The following GRIN3A variants were observed in gnomAD, a reference collection of about 807,000 sequenced individuals.
GRIN3A encodes the protein glutamate ionotropic receptor NMDA type subunit 3A.
A neutral mutation model predicts 92.4 loss-of-function variants in GRIN3A; 47 were observed. The observed-to-expected ratio is 0.51, with a 90% CI of 0.40 to 0.65. The LOEUF (loss-of-function observed/expected upper bound fraction) is 0.65. GRIN3A is among the 30% of genes least tolerant of loss of function. The probability of loss-of-function intolerance (pLI) is 0.00; values close to 1 mark genes in which losing one functional copy is unlikely to be tolerated. For missense variants in GRIN3A, 1,324 were observed against 1,393.1 expected (o/e 0.95, Z 0.79); for synonymous variants, 527 against 540.6 (o/e 0.97, Z 0.35).
chr9:101,573,635 A>T (rs1181118795), intron 8 of GRIN3A, 122 bp from the exon 9 acceptor site: 5 of 801,616 alleles, frequency 6.2e-6, no homozygotes, highest in Non-Finnish European at 2.1e-6. Flanking sequence ...AGATGAAGTA[A>T]CAAAGCCATG....
chr9:101,609,341 CT>C (rs1828327860), intron 6 of GRIN3A, among the ~76,000 whole-genome samples: 1 of 152,166 alleles, frequency 6.6e-6, no homozygotes, highest in South Asian at 2.1e-4. Context: ...AGAATTAGTA[CT>C]TCTATTATTT....
chr9:101,589,388 A>C (rs958636896), intron 6 of GRIN3A, among the ~76,000 whole-genome samples: 20 of 152,334 alleles, frequency 1.3e-4, no homozygotes, highest in African/African-American at 4.8e-4. Flanking sequence ...AATGACCCAT[A>C]AAAAGGGTGA....
rs762264033 is a variant in GRIN3A at position 101,670,211 on chromosome 9, A to T, written c.2201T>A (p.Ile734Asn). The T allele has an allele frequency of 6.2e-7, 1 of 1,614,046 alleles. No homozygotes were observed. ...TCCAGTCCAACATTTTGGAGGTTTG[A>T]TGGCCACTGTTCTGCCAAACAAGAG... ...YALLFGRTVA[I>N]KPPKCWTGRF... Residue 734 changes from isoleucine to asparagine, a missense_variant, in exon 3 of 9, where the codon ATC becomes AAC. By Grantham distance (149) the Ile-to-Asn change is moderately radical (BLOSUM62 -3). Transcript: ENST00000361820.
At chr9:101,609,059 C>T (rs1385818681) in intron 6 of GRIN3A, among the ~76,000 whole-genome samples, 1 of 152,130 alleles carries the variant, frequency 6.6e-6, no homozygotes, top group Non-Finnish European at 1.5e-5. Flanking sequence ...CTAAGGGAAC[C>T]CTGCTTTTGT....
At position 101,607,640 on chromosome 9, in the gene GRIN3A, G is replaced by A. The variant is rs550989554; in HGVS notation, c.2766+5736C>T. 1.4e-4 allele frequency among the ~76,000 whole-genome samples: 21 copies of A among 152,294 alleles called. No individual in the cohort carries two copies. The South Asian group carries it at 4.1e-3, about 30-fold the overall frequency. On this transcript the variant is annotated intron_variant, in intron 6 of 8. Coordinates refer to ENST00000361820, the MANE Select transcript of GRIN3A (RefSeq NM_133445.3). ...CCACTGATGAGATGAAGAAGCTAAA[G>A]CTGAGCTGGATTAAGGCACTCGCCA...
Position 101,579,243 on chromosome 9 carries a change from G to A in GRIN3A, c.2884C>T (p.Arg962Ter), listed in dbSNP as rs1827861306. The A allele has an allele frequency of 1.9e-6, 3 of 1,613,988 alleles. No individual in the cohort carries two copies. Among genetic ancestry groups the A allele is most frequent in the Non-Finnish European group, 8.5e-7 (1 of 1,179,912 alleles). ...EHIVYRLLLPRIKNKSKLQYW... is the reference protein window; with the variant it reads ...EHIVYRLLLP ...TGCAGCTTGGATTTGTTTTTGATTC[G>A]TGGTAGCAGCAGCCTGTATACTATG... The change falls in exon 7 of 9, where the codon CGA becomes TGA. Residue 962 changes from arginine to a stop codon, truncating the protein, a stop_gained. Transcript: ENST00000361820. LOFTEE classifies it high-confidence loss of function.
chr9:101,658,752 G>T (rs544784101), intron 3 of GRIN3A, among the ~76,000 whole-genome samples: 10 of 139,228 alleles, frequency 7.2e-5, no homozygotes, highest in Non-Finnish European at 1.1e-4. Context: ...CTATCTATCT[G>T]TCTATCTGTC....
chr9:101,576,240 G>A (rs1353313236), intron 8 of GRIN3A, among the ~76,000 whole-genome samples: 1 of 152,166 alleles, frequency 6.6e-6, no homozygotes, highest in African/African-American at 2.4e-5. Flanking sequence ...GAGCAATTAT[G>A]TAACACTGAG....
rs563118336 is a variant in GRIN3A at position 101,679,887 on chromosome 9, A to G, written c.1304+6709T>C. Among the ~76,000 whole-genome samples, 7 of 152,360 alleles carry G rather than the reference A, an allele frequency of 4.6e-5. No individual in the cohort carries two copies. In the East Asian group the frequency reaches 1.3e-3, roughly 29 times the overall value. On this transcript the variant is annotated intron_variant, in intron 2 of 8. Transcript: ENST00000361820. Reference sequence around the variant, plus strand: ...TGTGTTGGTAGAGGTCCTTAGGACAAGAATGCTTATAAAATTTAAGAACAA... The same window carrying G: ...TGTGTTGGTAGAGGTCCTTAGGACAGGAATGCTTATAAAATTTAAGAACAA...
At chr9:101,649,979 C>T (rs575109088) in intron 3 of GRIN3A, among the ~76,000 whole-genome samples, 3 of 152,162 alleles carry the variant, frequency 2.0e-5, no homozygotes, top group Admixed American at 1.3e-4. Context: ...GCACTGTTTA[C>T]AGAAATGGAA....
intron 1 of GRIN3A, among the ~76,000 whole-genome samples, chr9:101,710,962 GATT>G (rs1324521127): frequency 2.6e-5 from 4 of 152,092 alleles, no homozygotes; most frequent in Non-Finnish European, 5.9e-5. Flanking sequence ...TAATTGAAGA[GATT>G]AATAACAATA....
intron 6 of GRIN3A, among the ~76,000 whole-genome samples, chr9:101,587,741 G>A (rs988590444): frequency 6.6e-6 from 1 of 152,104 alleles, no homozygotes; most frequent in South Asian, 2.1e-4. Flanking sequence ...CGATGTTCAA[G>A]AATTTTTTTC....
chr9:101,624,374 C>G (rs1326994284), intron 4 of GRIN3A, among the ~76,000 whole-genome samples: 1 of 115,496 alleles, frequency 8.7e-6, no homozygotes, highest in South Asian at 3.6e-4. Context: ...TCCTTCCCCC[C>G]TCCCCCCACC....
Position 101,687,093 on chromosome 9 carries a change from C to A in GRIN3A, c.807G>T (p.Leu269=). 1 of 1,614,094 alleles carries A rather than the reference C, an allele frequency of 6.2e-7. No homozygotes were observed. The highest frequency in any genetic ancestry group is 8.5e-7 in the Non-Finnish European group (1 of 1,180,010). The change falls in exon 2 of 9, where the codon CTG becomes CTT. Residue 269 remains leucine, a synonymous_variant. Coordinates refer to ENST00000361820, the MANE Select transcript of GRIN3A (RefSeq NM_133445.3). The part of the protein sequence containing the change: ...MNNWYNFSLL[L]CQEDWNITDF... The stretch of plus-strand genomic sequence containing the variant: ...CGGTGATGTTCCAGTCTTCCTGGCA[C>A]AGCAACAAGCTAAAATTGTACCAGT...
At chr9:101,643,157 T>G (rs933513212) in intron 3 of GRIN3A, among the ~76,000 whole-genome samples, 1 of 152,092 alleles carries the variant, frequency 6.6e-6, no homozygotes, top group African/African-American at 2.4e-5. Context: ...AGGGGGCTAA[T>G]ATACAAAATA....
rs1210869247 is a variant in GRIN3A, at chr9:101,696,502, A to G, written c.700-9302T>C. ...TTTGGAATAAAGATGTTGCTCTAGG[A>G]CTGATTTTAGTTCCTAATTCACCAC... On this transcript the variant is annotated intron_variant, in intron 1 of 8. Coordinates refer to ENST00000361820, the MANE Select transcript of GRIN3A (RefSeq NM_133445.3). Among the ~76,000 whole-genome samples, 6 of 151,780 alleles carry G rather than the reference A, an allele frequency of 4.0e-5. No individual in the cohort carries two copies. In the Admixed American group the frequency reaches 4.0e-4, roughly 10 times the overall value.
At chr9:101,734,680 G>A (rs988436060) in intron 1 of GRIN3A, among the ~76,000 whole-genome samples, 1 of 151,844 alleles carries the variant, frequency 6.6e-6, no homozygotes, top group Non-Finnish European at 1.5e-5. Flanking sequence ...CAAAACTATT[G>A]CTCATTAATT....
chr9:101,688,875 G>T (rs1349115437), intron 1 of GRIN3A, among the ~76,000 whole-genome samples: 1 of 152,072 alleles, frequency 6.6e-6, no homozygotes, highest in Non-Finnish European at 1.5e-5. Flanking sequence ...CTCAAAAATA[G>T]AATAGAATAA....
intron 1 of GRIN3A, among the ~76,000 whole-genome samples, chr9:101,730,553 A>G (rs1017145403): frequency 1.3e-5 from 2 of 152,188 alleles, no homozygotes; most frequent in Non-Finnish European, 2.9e-5. Flanking sequence ...AAAGTTGTAC[A>G]GCCAAGATTC....
Sources: allele counts gnomAD v4.1 joint callset (sites outside exome capture counted in the v4.1 genomes callset), GRCh38; gene constraint gnomAD v4.1.1; transcripts MANE v1.5; gene names NCBI Gene and HGNC (gene_info 2026-07-23, HGNC 2026-07-21).